PLGRKT: variants seen among roughly 807,000 people sequenced by gnomAD.
PLGRKT encodes the protein plasminogen receptor with a C-terminal lysine, also known as plasminogen receptor (KT).
In PLGRKT, 22 loss-of-function variants were observed where a neutral mutation model predicts 18.5. The ratio of observed to expected loss-of-function variants is 1.19; its 90% confidence interval spans 0.85 to 1.70. The LOEUF (loss-of-function observed/expected upper bound fraction) is 1.70, where lower values mean the gene tolerates loss of function less well. PLGRKT is among the 40% of genes most tolerant of loss of function. The pLI is 0.00. For missense variants in PLGRKT, 235 were observed against 174.4 expected (o/e 1.35, Z -1.96); for synonymous variants, 72 against 52.8 (o/e 1.36, Z -1.58).
intron 3 of PLGRKT, among the ~76,000 whole-genome samples, chr9:5,396,796 TATC>T (rs1329854160): frequency 6.6e-6 from 1 of 151,922 alleles, no homozygotes; most frequent in Non-Finnish European, 1.5e-5. Flanking sequence ...ATTTTATCAT[TATC>T]ATCTGAATGT....
Position 5,417,350 on chromosome 9 carries a change from C to G in PLGRKT, c.81+14547G>C, listed in dbSNP as rs189345030. ...ACACGCAAAAGAGTAAAGTTGGACC[C>G]TTACTTCATACCATACATAAAAATT... On this transcript the variant is annotated intron_variant, in intron 3 of 5. Coordinates refer to ENST00000223864, the MANE Select transcript of PLGRKT (RefSeq NM_018465.4). Among the ~76,000 whole-genome samples, 511 of 152,170 alleles carry G rather than the reference C, an allele frequency of 3.4e-3. 2 individuals are homozygous for G. Among genetic ancestry groups the G allele is most frequent in the African/African-American group, 0.012 (483 of 41,524 alleles).
rs188512487 is a variant in PLGRKT at position 5,394,120 on chromosome 9, A to G, written c.82-32232T>C. 3.3e-4 allele frequency among the ~76,000 whole-genome samples: 50 copies of G among 152,014 alleles called. 3 individuals carry two copies. In the East Asian group the frequency reaches 8.9e-3, roughly 27 times the overall value. On this transcript the variant is annotated intron_variant, in intron 3 of 5. Coordinates refer to ENST00000223864, the MANE Select transcript of PLGRKT (RefSeq NM_018465.4). The stretch of plus-strand genomic sequence containing the variant: ...CTAAGGAACTGTAAACATGTTCACT[A>G]CAAGTAACCTTTCGGAAGTGAAAGT...
chr9:5,433,941 C>T (rs1446019678), intron 2 of PLGRKT, among the ~76,000 whole-genome samples: 1 of 146,336 alleles, frequency 6.8e-6, no homozygotes, highest in African/African-American at 2.6e-5. Context: ...AGCACCTCTG[C>T]CCGGCCGCCC....
chr9:5,395,891 T>G (rs1297591745), intron 3 of PLGRKT, among the ~76,000 whole-genome samples: 2 of 63,868 alleles, frequency 3.1e-5, no homozygotes, highest in Non-Finnish European at 5.3e-5. Context: ...CCTAACAGTT[T>G]TTTTTTTTTT....
intron 3 of PLGRKT, among the ~76,000 whole-genome samples, chr9:5,369,935 T>C (rs1486932657): frequency 6.6e-6 from 1 of 151,298 alleles, no homozygotes; most frequent in Non-Finnish European, 1.5e-5. Context: ...CCAGGGCCTG[T>C]CATGGGGTAG....
intron 3 of PLGRKT, among the ~76,000 whole-genome samples, chr9:5,372,326 G>A (rs186311864): frequency 4.4e-4 from 67 of 152,182 alleles, no homozygotes; most frequent in African/African-American, 1.5e-3. Flanking sequence ...CTCACCATGT[G>A]CACAGTATAT....
At position 5,358,139 on chromosome 9, in the gene PLGRKT, A is replaced by G; in HGVS notation, c.*100T>C. On this transcript the variant is annotated 3_prime_UTR_variant, in exon 6 of 6. Transcript: ENST00000223864. ...ATCTTGCATTTTAATATTTTAAAAT[A>G]AAATCTATAATATCAAAATCTTGAG... 1 of 805,600 alleles carries G rather than the reference A, an allele frequency of 1.2e-6. No individual in the cohort carries two copies. The allele number at this position is 805,600 out of a possible 1,614,324, so 49.9% of individuals were successfully genotyped here. A position where few individuals can be genotyped will look rare whatever the true frequency, so the allele number is the denominator to read the frequency against.
chr9:5,379,054 G>C (rs1817686606), intron 3 of PLGRKT, among the ~76,000 whole-genome samples: 1 of 151,896 alleles, frequency 6.6e-6, no homozygotes, highest in Non-Finnish European at 1.5e-5. Flanking sequence ...GATAATGATT[G>C]CCTAGCTTTA....
At chr9:5,432,167 C>G (rs907996353) in intron 2 of PLGRKT, among the ~76,000 whole-genome samples, 184 bp from the exon 3 acceptor site, 2 of 152,132 alleles carry the variant, frequency 1.3e-5, no homozygotes, top group Non-Finnish European at 2.9e-5. Flanking sequence ...GCATACTTAA[C>G]GAGTCTGGCC....
At chr9:5,366,829 T>C (rs7045414) in intron 3 of PLGRKT, among the ~76,000 whole-genome samples, 45,951 of 151,948 alleles carry the variant, frequency 0.3, 7,398 homozygotes, top group African/African-American at 0.41. Context: ...TGAATATGAT[T>C]CTATATTAGG....
chr9:5,432,757 C>T (rs10975113), intron 2 of PLGRKT, among the ~76,000 whole-genome samples: 80,490 of 152,088 alleles, frequency 0.53, 24,405 homozygotes, highest in Non-Finnish European at 0.67. Context: ...CTCGGCCTCC[C>T]GAGGTGCTGG....
At chr9:5,435,821 C>T (rs1818949255) in intron 2 of PLGRKT, among the ~76,000 whole-genome samples, 1 of 152,156 alleles carries the variant, frequency 6.6e-6, no homozygotes, top group Non-Finnish European at 1.5e-5. Flanking sequence ...GTAAGAATGG[C>T]CAGTCTTAAT....
chr9:5,385,719 C>T lies in PLGRKT; in HGVS notation c.82-23831G>A, dbSNP rs113352794. 1.1e-3 allele frequency among the ~76,000 whole-genome samples: 164 copies of T among 151,740 alleles called. 4 individuals are homozygous for T. Among genetic ancestry groups the T allele is most frequent in the African/African-American group, 3.8e-3 (155 of 41,166 alleles). ...GATGGTGGAAAGGAAAGGAAAGCAG[C>T]CAAAATTTGTGGTCTATTTTTGAGA... On this transcript the variant is annotated intron_variant, in intron 3 of 5. Transcript: ENST00000223864.
At position 5,396,105 on chromosome 9, in the gene PLGRKT, G is replaced by A. The variant is rs1009484547; in HGVS notation, c.82-34217C>T. ...GACGGGGTTTCACCATGTGGGCCAG[G>A]CTGGTCTCGAACTCCTGACCTGAGG... is the stretch of plus-strand genomic sequence containing the variant. On this transcript the variant is annotated intron_variant, in intron 3 of 5. Coordinates refer to ENST00000223864, the MANE Select transcript of PLGRKT (RefSeq NM_018465.4). Among the ~76,000 whole-genome samples, 36 of 151,350 alleles carry A rather than the reference G, an allele frequency of 2.4e-4. 2 individuals are homozygous for A. The highest frequency in any genetic ancestry group is 7.8e-4 in the African/African-American group (32 of 40,884).
chr9:5,424,458 C>CAT (rs768945712), intron 3 of PLGRKT, among the ~76,000 whole-genome samples: 28,366 of 115,950 alleles, frequency 0.24, 3,597 homozygotes, highest in Non-Finnish European at 0.3. Flanking sequence ...TATATTATAA[C>CAT]ATAATATATA....
chr9:5,376,348 C>A (rs1332099077), intron 3 of PLGRKT, among the ~76,000 whole-genome samples: 1 of 152,190 alleles, frequency 6.6e-6, no homozygotes, highest in African/African-American at 2.4e-5. Flanking sequence ...ACCAGACTGT[C>A]TGCATTTGCA....
chr9:5,420,903 G>A (rs1818563556), intron 3 of PLGRKT, among the ~76,000 whole-genome samples: 1 of 152,188 alleles, frequency 6.6e-6, no homozygotes, highest in African/African-American at 2.4e-5. Flanking sequence ...GACAGATACT[G>A]GGAGTTATAA....
intron 2 of PLGRKT, among the ~76,000 whole-genome samples, chr9:5,434,856 T>C: frequency 6.6e-6 from 1 of 150,852 alleles, no homozygotes; most frequent in Non-Finnish European, 1.5e-5. Context: ...ATGATGACGA[T>C]GGCGGTTTTG....
chr9:5,429,491 T>C (rs1256147817), intron 3 of PLGRKT, among the ~76,000 whole-genome samples: 2 of 152,214 alleles, frequency 1.3e-5, no homozygotes, highest in South Asian at 2.1e-4. Context: ...GCAAGGTTTG[T>C]TCCTTACTAA....
Sources: gnomAD v4.1 joint callset for allele counts (sites outside exome capture counted in the v4.1 genomes callset) on GRCh38, gnomAD v4.1.1 for gene constraint, MANE v1.5 for transcripts, NCBI Gene and HGNC (gene_info 2026-07-23, HGNC 2026-07-21) for gene names.